Variants in RFX3 observed in about 807,000 individuals in gnomAD.
RFX3 encodes regulatory factor X3, also known as transcription factor RFX3.
RFX3 carries 14 observed loss-of-function variants against 98.6 expected under a neutral mutation model. That is an observed-to-expected ratio of 0.14 (90% confidence interval 0.09 to 0.22). The LOEUF is 0.22. Ranked by LOEUF, RFX3 falls within the 10% of genes least tolerant of loss-of-function variation. The pLI, the probability that RFX3 is intolerant of heterozygous loss-of-function variation, is 1.00. For synonymous variants in RFX3, 383 were observed against 328.4 expected (o/e 1.17, Z -1.80); for missense variants, 639 against 926.9 (o/e 0.69, Z 4.03).
intron 2 of RFX3, among the ~76,000 whole-genome samples, chr9:3,389,699 T>C (rs1384858088): frequency 7.2e-5 from 11 of 152,058 alleles, no homozygotes; most frequent in Non-Finnish European, 1.0e-4. Flanking sequence ...CTTAAAATAT[T>C]GTATAAACTC....
chr9:3,405,379 A>G (rs1484993628), intron 1 of RFX3, among the ~76,000 whole-genome samples: 1 of 152,196 alleles, frequency 6.6e-6, no homozygotes, highest in African/African-American at 2.4e-5. Flanking sequence ...CCTTCCTTCT[A>G]TTGAGCTACA....
chr9:3,355,509 A>T (rs1403406978), intron 2 of RFX3, among the ~76,000 whole-genome samples: 1 of 151,864 alleles, frequency 6.6e-6, no homozygotes. Flanking sequence ...TAAATCCTAC[A>T]TGTCTTTGCT....
At chr9:3,255,732 T>C (rs1822048341) in intron 14 of RFX3, among the ~76,000 whole-genome samples, 1 of 152,252 alleles carries the variant, frequency 6.6e-6, no homozygotes, top group African/African-American at 2.4e-5. Flanking sequence ...GGCCGAGTTA[T>C]GGTCAACAGC....
intron 2 of RFX3, among the ~76,000 whole-genome samples, chr9:3,377,466 A>G (rs567054284): frequency 2.0e-5 from 3 of 152,278 alleles, no homozygotes; most frequent in Non-Finnish European, 4.4e-5. Flanking sequence ...AAGGGATAAC[A>G]TTAGGATATA....
chr9:3,270,081 G>A (rs199990707), intron 11 of RFX3, among the ~76,000 whole-genome samples: 3 of 137,766 alleles, frequency 2.2e-5, no homozygotes, highest in African/African-American at 8.9e-5. Context: ...AGAGAAAGAA[G>A]GAAAGAAAGA....
chr9:3,238,867 C>T (rs759413112), intron 15 of RFX3, among the ~76,000 whole-genome samples: 2 of 151,894 alleles, frequency 1.3e-5, no homozygotes, highest in Non-Finnish European at 2.9e-5. Context: ...GTTGCGCATG[C>T]CTATAATCCC....
At chr9:3,386,911 T>C (rs969976378) in intron 2 of RFX3, among the ~76,000 whole-genome samples, 1 of 152,140 alleles carries the variant, frequency 6.6e-6, no homozygotes, top group African/African-American at 2.4e-5. Flanking sequence ...AGGGGACACA[T>C]ATGAAGGTAT....
chr9:3,433,261 G>A (rs1050087783), intron 1 of RFX3, among the ~76,000 whole-genome samples: 4 of 151,834 alleles, frequency 2.6e-5, no homozygotes, highest in East Asian at 1.9e-4. Flanking sequence ...TACCTCCTCC[G>A]CCTCTTCCAC....
At chr9:3,321,189 C>T (rs925711503) in intron 4 of RFX3, among the ~76,000 whole-genome samples, 2 of 152,110 alleles carry the variant, frequency 1.3e-5, no homozygotes, top group African/African-American at 4.8e-5. Flanking sequence ...CACACGTGAG[C>T]CACCGCCCCC....
At chr9:3,465,284 C>T (rs1280308530) in intron 1 of RFX3, among the ~76,000 whole-genome samples, 1 of 151,608 alleles carries the variant, frequency 6.6e-6, no homozygotes, top group Non-Finnish European at 1.5e-5. Flanking sequence ...TATATGTTAA[C>T]CTGTTTTGCT....
intron 3 of RFX3, among the ~76,000 whole-genome samples, chr9:3,336,482 G>A (rs1243699429): frequency 6.6e-6 from 1 of 152,010 alleles, no homozygotes; most frequent in African/African-American, 2.4e-5. Flanking sequence ...TGTTATCCCT[G>A]AAAGCCAGAT....
At chr9:3,247,649 G>T in intron 15 of RFX3, 1 of 1,393,736 alleles carries the variant, frequency 7.2e-7, no homozygotes, top group Admixed American at 3.1e-5. Context: ...GACCGGGAAA[G>T]AGTCTACAAA....
intron 14 of RFX3, among the ~76,000 whole-genome samples, chr9:3,250,201 G>A (rs576811120): frequency 2.0e-5 from 3 of 151,956 alleles, no homozygotes; most frequent in South Asian, 2.1e-4. Flanking sequence ...GTTACATAAC[G>A]TTTTTACCCA....
Position 3,225,230 on chromosome 9 carries a change from A to G in RFX3, c.2062T>C (p.Ser688Pro). The change falls in exon 17 of 17, where the codon TCA becomes CCA. Residue 688 changes from serine (S) to proline (P), a missense_variant. Ser to Pro is a moderately conservative substitution (Grantham distance 74, BLOSUM62 -1). Around this residue, in one of 9 missense-constraint regions of RFX3, gnomAD observed 129 missense variants for 124.6 expected, o/e 1.04. Transcript: ENST00000617270. The part of the protein sequence containing the change: ...SEMDEELDDS[S>P]EPQAKREKTE... ...TTCTCTCTTTTGGCTTGAGGCTCTG[A>G]AGAGTCATCCAGTTCTTCATCCATT... is the stretch of plus-strand genomic sequence containing the variant. 6.2e-7 allele frequency: 1 copy of G among 1,613,850 alleles called. No homozygotes were observed. Among genetic ancestry groups the G allele is most frequent in the African/African-American group, 1.3e-5 (1 of 75,026 alleles).
chr9:3,428,107 AG>A (rs1204162896), intron 1 of RFX3, among the ~76,000 whole-genome samples: 1 of 152,160 alleles, frequency 6.6e-6, no homozygotes, highest in African/African-American at 2.4e-5. Flanking sequence ...ACATGTGAAA[AG>A]TTGCCTCATA....
At chr9:3,374,478 G>C (rs1838227050) in intron 2 of RFX3, among the ~76,000 whole-genome samples, 1 of 152,090 alleles carries the variant, frequency 6.6e-6, no homozygotes, top group African/African-American at 2.4e-5. Flanking sequence ...TCCAAGGGAA[G>C]ATGAATGAAT....
At chr9:3,441,169 A>C (rs951014492) in intron 1 of RFX3, among the ~76,000 whole-genome samples, 1 of 152,208 alleles carries the variant, frequency 6.6e-6, no homozygotes, top group Non-Finnish European at 1.5e-5. Context: ...GATGGAAGCC[A>C]TGTTTCTCAT....
intron 1 of RFX3, among the ~76,000 whole-genome samples, chr9:3,476,149 A>C (rs992195669): frequency 2.0e-5 from 3 of 150,648 alleles, no homozygotes; most frequent in Non-Finnish European, 4.4e-5. Flanking sequence ...AATTGCTACA[A>C]ATGATTAATG....
intron 1 of RFX3, among the ~76,000 whole-genome samples, chr9:3,470,205 G>C (rs920951515): frequency 5.9e-5 from 9 of 152,082 alleles, no homozygotes; most frequent in Non-Finnish European, 4.4e-5. Flanking sequence ...ATAGCTATGT[G>C]GCCACAAAAT....
Sources: gnomAD v4.1 joint callset for allele counts (sites outside exome capture counted in the v4.1 genomes callset) on GRCh38, gnomAD v4.1.1 for gene constraint, gnomAD v4.1.1 regional missense constraint, MANE v1.5 for transcripts, NCBI Gene and HGNC (gene_info 2026-07-23, HGNC 2026-07-21) for gene names.